Variants in MGAM observed in about 807,000 individuals in gnomAD.
MGAM encodes the protein maltase-glucoamylase, also known as alpha-1,4-glucosidase.
MGAM carries 253 observed loss-of-function variants against 358.8 expected under a neutral mutation model. The ratio of observed to expected loss-of-function variants is 0.71; its 90% CI spans 0.64 to 0.78. MGAM has a LOEUF of 0.78. Among genes scored for constraint, MGAM ranks in the 30% least tolerant of loss-of-function variants. The probability of loss-of-function intolerance (pLI) is 0.00; values close to 1 mark genes in which losing one functional copy is unlikely to be tolerated. For synonymous variants in MGAM, 1,105 were observed against 1,227.1 expected (o/e 0.90, Z 2.08); for missense variants, 3,080 against 3,432.6 (o/e 0.90, Z 2.57).
chr7:142,027,135 C>T lies in MGAM; in HGVS notation c.1003C>T (p.Pro335Ser), dbSNP rs1554461185. The stretch of plus-strand genomic sequence containing the variant: ...TCAAGAGGTTGTCCTTCAGCCTGCG[C>T]CAGCCATCACTTACCGCACCATTGG... ...NAMEVVLQPA[P>S]AITYRTIGGI... The change falls in exon 9 of 71, where the codon CCA (proline) becomes TCA (serine). Residue 335 changes from proline (P) to serine (S), a missense_variant. Transcript: ENST00000475668. 1 of 1,613,332 alleles carries T rather than the reference C, an allele frequency of 6.2e-7. No homozygotes were observed. Among genetic ancestry groups the T allele is most frequent in the Non-Finnish European group, 8.5e-7 (1 of 1,179,368 alleles).
intron 59 of MGAM, among the ~76,000 whole-genome samples, chr7:142,092,920 G>A (rs530603811): frequency 6.1e-5 from 9 of 146,486 alleles, no homozygotes; most frequent in African/African-American, 1.7e-4. Flanking sequence ...GGAATTTTTT[G>A]GTGTCATCAA....
intron 58 of MGAM, 81 bp from the exon 59 acceptor site, chr7:142,092,440 T>C: frequency 7.7e-7 from 1 of 1,304,062 alleles, no homozygotes; most frequent in Non-Finnish European, 1.1e-6. Flanking sequence ...TTGAACAATG[T>C]ATTCACTGCT....
intron 64 of MGAM, chr7:142,095,967 C>T (rs2129061933): frequency 1.6e-6 from 1 of 637,798 alleles, no homozygotes; most frequent in South Asian, 2.2e-5. Flanking sequence ...TTTGGCTGTG[C>T]AAAGGCCTAT....
chr7:142,010,941 G>A (rs972621454), intron 3 of MGAM, among the ~76,000 whole-genome samples: 1 of 152,080 alleles, frequency 6.6e-6, no homozygotes, highest in Non-Finnish European at 1.5e-5. Context: ...TTGATGGCAG[G>A]GAGCAGGAAT....
At chr7:142,036,010 A>G (rs1554465646) in intron 16 of MGAM, among the ~76,000 whole-genome samples, 159 bp from the exon 17 acceptor site, 2 of 152,100 alleles carry the variant, frequency 1.3e-5, no homozygotes, top group African/African-American at 4.8e-5. Context: ...GTCATCCAGC[A>G]TTCAAGAGTG....
chr7:142,086,129 A>G (rs2129055354), intron 55 of MGAM, 89 bp from the exon 56 acceptor site: 11 of 1,423,536 alleles, frequency 7.7e-6, no homozygotes, highest in Non-Finnish European at 1.1e-5. Flanking sequence ...AGAAGCCAAC[A>G]AGTTCGCCCT....
chr7:142,069,418 C>G (rs1813142424), intron 43 of MGAM, among the ~76,000 whole-genome samples: 2 of 145,598 alleles, frequency 1.4e-5, no homozygotes, highest in Admixed American at 1.4e-4. Context: ...GACCCTGATT[C>G]TTGGGGAAGA....
rs747649207 is a variant in MGAM, at chr7:142,058,271, G to C, written c.3762G>C (p.Gln1254His). ...LGFQLCRYGY[Q>H]NDSEIASLYD... ...TCCAGCTGTGTCGCTATGGCTACCA[G>C]AATGACTCTGAGATCGCCAGCTTGT... The change falls in exon 31 of 71, where the codon CAG (glutamine) becomes CAC (histidine). Residue 1254 changes from glutamine (Q) to histidine (H), a missense_variant. Gln to His is a conservative substitution (Grantham distance 24). This residue lies in a region of MGAM where 1,816 missense variants were observed against 1,840.5 expected (regional missense o/e 0.99). Coordinates refer to ENST00000475668, the MANE Select transcript of MGAM (RefSeq NM_001365693.1). 33 of 1,613,870 alleles carry C rather than the reference G, an allele frequency of 2.0e-5. No homozygotes were observed. Among genetic ancestry groups the C allele is most frequent in the Non-Finnish European group, 2.7e-5 (32 of 1,179,872 alleles).
intron 22 of MGAM, among the ~76,000 whole-genome samples, chr7:142,048,115 TTTTATTTATTTATTTATTTATTTA>T (rs58194410): frequency 6.8e-5 from 7 of 102,454 alleles, no homozygotes; most frequent in Admixed American, 1.1e-4. Context: ...ATAATAGGCT[TTTTATTTATTTATTTATTTATTTA>T]TTTATTTATT....
chr7:142,064,474 A>G lies in MGAM; in HGVS notation c.4436A>G (p.Tyr1479Cys). 1 of 1,586,248 alleles carries G rather than the reference A, an allele frequency of 6.3e-7. No individual in the cohort carries two copies. The highest frequency in any genetic ancestry group is 1.2e-5 in the South Asian group (1 of 86,488). Reference protein sequence around the residue: ...ILPDGSLVQHYNVHNLYGWSQ... With the variant: ...ILPDGSLVQHCNVHNLYGWSQ... ...CCAGACGGCTCCCTGGTGCAGCACT[A>G]CAACGTGCACAACCTGTATGGGTGG... Residue 1479 changes from tyrosine (Y) to cysteine (C), a missense_variant, in exon 37 of 71, where the codon TAC (tyrosine) becomes TGC (cysteine). By Grantham distance (194) the Tyr-to-Cys change is radical. This residue lies in a region of MGAM where 1,816 missense variants were observed against 1,840.5 expected (regional missense o/e 0.99). Coordinates refer to ENST00000475668, the MANE Select transcript of MGAM (RefSeq NM_001365693.1).
At chr7:142,026,575 AT>A (rs1438028914) in intron 8 of MGAM, among the ~76,000 whole-genome samples, 1 of 152,164 alleles carries the variant, frequency 6.6e-6, no homozygotes, top group Non-Finnish European at 1.5e-5. Flanking sequence ...AACAAATGAC[AT>A]TTTGGAAAGA....
At chr7:142,015,553 A>AT (rs1805902497) in intron 3 of MGAM, among the ~76,000 whole-genome samples, 1 of 151,954 alleles carries the variant, frequency 6.6e-6, no homozygotes, top group African/African-American at 2.4e-5. Context: ...TATTCATTCT[A>AT]TTTTTTCTAT....
rs745962488 is a variant in MGAM at position 142,056,016 on chromosome 7, A to G, written c.3500A>G (p.Tyr1167Cys). ...ACTCCCCAGTACAAGAAGAATTCCTATGGTGTCCACCCCTACTACATGGGG... is the reference window on the plus strand; with the variant it reads ...ACTCCCCAGTACAAGAAGAATTCCTGTGGTGTCCACCCCTACTACATGGGG... ...DQPPGYKKNS[Y>C]GVHPYYMGLE... Residue 1167 changes from tyrosine to cysteine, a missense_variant, in exon 29 of 71, where the codon TAT becomes TGT. Tyr to Cys is a radical substitution (Grantham distance 194). Coordinates refer to ENST00000475668, the MANE Select transcript of MGAM (RefSeq NM_001365693.1). The G allele has an allele frequency of 5.6e-6, 9 of 1,611,486 alleles. No individual in the cohort carries two copies. Among genetic ancestry groups the G allele is most frequent in the Admixed American group, 3.4e-5 (2 of 59,688 alleles).
chr7:142,097,082 C>A (rs908071020), intron 65 of MGAM, among the ~76,000 whole-genome samples: 1 of 151,388 alleles, frequency 6.6e-6, no homozygotes, highest in African/African-American at 2.5e-5. Context: ...GCACGTGCCA[C>A]CAGGCCCGGC....
At chr7:142,027,376 C>A in intron 9 of MGAM, 149 bp downstream of exon 9, 1 of 785,392 alleles carries the variant, frequency 1.3e-6, no homozygotes, top group Non-Finnish European at 2.0e-6. Flanking sequence ...GCAATGGAAA[C>A]TTGCTGTATA....
intron 1 of MGAM, among the ~76,000 whole-genome samples, chr7:142,002,483 A>C (rs1011221135): frequency 6.6e-6 from 1 of 152,128 alleles, no homozygotes; most frequent in African/African-American, 2.4e-5. Flanking sequence ...ATATGATCAT[A>C]TCAATAGATG....
At chr7:142,081,585 C>T in intron 50 of MGAM, among the ~76,000 whole-genome samples, 1 of 146,018 alleles carries the variant, frequency 6.8e-6, no homozygotes, top group East Asian at 2.0e-4. Flanking sequence ...GGAGAGGAAG[C>T]TGCAACGCCG....
At chr7:142,057,219 T>C (rs1811636411) in intron 30 of MGAM, among the ~76,000 whole-genome samples, 1 of 152,038 alleles carries the variant, frequency 6.6e-6, no homozygotes, top group Non-Finnish European at 1.5e-5. Flanking sequence ...ATGGTGATGA[T>C]GGCAGTAGGG....
rs183651255 is a variant in MGAM, at chr7:142,094,152, C to T, written c.7173-212C>T. ...TTGGGGCACTCCAGTGAGTTTGCTA[C>T]AGTGAAGTTCTTTGTAAAGCACTGT... On this transcript the variant is annotated intron_variant, in intron 60 of 70. Transcript: ENST00000475668. 1.9e-4 allele frequency among the ~76,000 whole-genome samples: 28 copies of T among 146,284 alleles called. 4 individuals are homozygous for T. The East Asian group carries it at 4.0e-3, about 21-fold the overall frequency.
Sources: gnomAD v4.1 joint callset for allele counts (sites outside exome capture counted in the v4.1 genomes callset) on GRCh38, gnomAD v4.1.1 for gene constraint, gnomAD v4.1.1 regional missense constraint, MANE v1.5 for transcripts, NCBI Gene and HGNC (gene_info 2026-07-23, HGNC 2026-07-21) for gene names.